SYNPR: variants seen among roughly 807,000 people sequenced by gnomAD.
SYNPR encodes the protein synaptoporin.
In SYNPR, 23 loss-of-function variants were observed where a neutral mutation model predicts 32.9. The ratio of observed to expected loss-of-function variants is 0.70; its 90% CI spans 0.50 to 0.99. SYNPR has a LOEUF of 0.99. SYNPR is among the 50% of genes least tolerant of loss of function. The probability of loss-of-function intolerance (pLI) is 0.00; values close to 1 mark genes in which losing one functional copy is unlikely to be tolerated. For missense variants in SYNPR, 318 were observed against 349.3 expected (o/e 0.91, Z 0.71); for synonymous variants, 146 against 135.9 (o/e 1.07, Z -0.52).
chr3:63,335,266 T>C (rs1352548265), intron 2 of SYNPR, among the ~76,000 whole-genome samples: 1 of 141,142 alleles, frequency 7.1e-6, no homozygotes, highest in Non-Finnish European at 1.5e-5. Context: ...GGCAGGAGAA[T>C]GGAGTGAACC....
rs568822240 is a variant in SYNPR, at chr3:63,551,368, C to T, written c.210-5175C>T. Among the ~76,000 whole-genome samples the T allele has an allele frequency of 3.3e-5, 5 of 152,304 alleles. No individual in the cohort carries two copies. The South Asian group carries it at 1.0e-3, about 32-fold the overall frequency. On this transcript the variant is annotated intron_variant, in intron 3 of 5. Transcript: ENST00000478300. ...TGTTTGGCTATTATGAATAATGCTG[C>T]TGTGAACACTCTTGTACAAGATTTT...
At chr3:63,454,138 G>A (rs1464357008) in intron 2 of SYNPR, among the ~76,000 whole-genome samples, 1 of 152,074 alleles carries the variant, frequency 6.6e-6, no homozygotes, top group Non-Finnish European at 1.5e-5. Flanking sequence ...GCTATATGGA[G>A]GGGTGAAATG....
At chr3:63,431,940 C>A (rs1700004562) in intron 2 of SYNPR, among the ~76,000 whole-genome samples, 1 of 151,814 alleles carries the variant, frequency 6.6e-6, no homozygotes, top group Admixed American at 6.6e-5. Flanking sequence ...GCAGAACTCA[C>A]CACACAGGCC....
At chr3:63,562,842 A>G (rs1249783524) in intron 4 of SYNPR, among the ~76,000 whole-genome samples, 1 of 152,146 alleles carries the variant, frequency 6.6e-6, no homozygotes, top group African/African-American at 2.4e-5. Context: ...CTGGATTTTA[A>G]TCTTCTTGTG....
At chr3:63,581,583 C>T (rs546547475) in intron 4 of SYNPR, among the ~76,000 whole-genome samples, 5 of 152,030 alleles carry the variant, frequency 3.3e-5, no homozygotes, top group Admixed American at 6.6e-5. Flanking sequence ...CACGAGTATG[C>T]GTCCATCTCA....
At chr3:63,609,632 C>T (rs1355486664) in intron 5 of SYNPR, among the ~76,000 whole-genome samples, 2 of 152,122 alleles carry the variant, frequency 1.3e-5, no homozygotes, top group East Asian at 1.9e-4. Flanking sequence ...TTTGGCCGGA[C>T]GCAATGGCTC....
chr3:63,400,594 A>G (rs2088277742), intron 2 of SYNPR, among the ~76,000 whole-genome samples: 1 of 152,232 alleles, frequency 6.6e-6, no homozygotes, highest in Non-Finnish European at 1.5e-5. Flanking sequence ...AGGAAGCCAC[A>G]GTGCCTTTTT....
intron 2 of SYNPR, among the ~76,000 whole-genome samples, chr3:63,359,027 CTAAG>C (rs2087622488): frequency 6.6e-6 from 1 of 152,104 alleles, no homozygotes; most frequent in African/African-American, 2.4e-5. Context: ...TTTAATGATA[CTAAG>C]TATTGTTGAA....
intron 2 of SYNPR, among the ~76,000 whole-genome samples, chr3:63,328,550 A>G (rs905493153): frequency 6.6e-6 from 1 of 152,178 alleles, no homozygotes; most frequent in African/African-American, 2.4e-5. Flanking sequence ...TGCACAAGGC[A>G]ATGAACATAA....
intron 2 of SYNPR, among the ~76,000 whole-genome samples, chr3:63,403,039 C>A (rs1029192644): frequency 7.2e-5 from 11 of 152,168 alleles, no homozygotes; most frequent in Admixed American, 1.3e-4. Flanking sequence ...TAAACATTAA[C>A]AGAGAGAATG....
At chr3:63,296,990 C>A (rs2086796423) in intron 2 of SYNPR, among the ~76,000 whole-genome samples, 1 of 151,998 alleles carries the variant, frequency 6.6e-6, no homozygotes, top group African/African-American at 2.4e-5. Context: ...AACAAGCAAG[C>A]TAGGGAATGA....
chr3:63,335,763 T>C (rs1046064166), intron 2 of SYNPR, among the ~76,000 whole-genome samples: 1 of 120,288 alleles, frequency 8.3e-6, no homozygotes, highest in African/African-American at 2.8e-5. Context: ...CCATATTAGC[T>C]TCCTTTTTTT....
At chr3:63,531,403 T>C (rs1702110526) in intron 3 of SYNPR, among the ~76,000 whole-genome samples, 1 of 152,132 alleles carries the variant, frequency 6.6e-6, no homozygotes, top group East Asian at 1.9e-4. Flanking sequence ...TGATGTTCCT[T>C]AGCTTGCAAC....
At chr3:63,520,304 T>A (rs1701881519) in intron 3 of SYNPR, among the ~76,000 whole-genome samples, 1 of 152,230 alleles carries the variant, frequency 6.6e-6, no homozygotes, top group Non-Finnish European at 1.5e-5. Flanking sequence ...GCTTCAGTCC[T>A]GATTGTCTAA....
At chr3:63,588,582 G>T (rs946158634) in intron 4 of SYNPR, among the ~76,000 whole-genome samples, 3 of 152,036 alleles carry the variant, frequency 2.0e-5, no homozygotes, top group Non-Finnish European at 4.4e-5. Context: ...TGTTCAATAA[G>T]CATCCCCAAA....
chr3:63,602,848 A>T (rs981317722), intron 4 of SYNPR, among the ~76,000 whole-genome samples: 5 of 152,094 alleles, frequency 3.3e-5, no homozygotes, highest in Admixed American at 2.6e-4. Context: ...TTCCATATTA[A>T]TTTTAAAATA....
intron 3 of SYNPR, among the ~76,000 whole-genome samples, chr3:63,272,133 T>C (rs768948649): frequency 6.6e-6 from 1 of 152,188 alleles, no homozygotes; most frequent in Non-Finnish European, 1.5e-5. Flanking sequence ...GTCGGTCATA[T>C]TTCTTAGACT....
chr3:63,408,198 A>G (rs200720364), intron 2 of SYNPR, among the ~76,000 whole-genome samples: 1 of 37,784 alleles, frequency 2.6e-5, no homozygotes, highest in Non-Finnish European at 4.4e-5. Flanking sequence ...AAGAAAGAGG[A>G]AGGAAGGAAG....
intron 2 of SYNPR, among the ~76,000 whole-genome samples, chr3:63,263,024 A>G (rs577454762): frequency 6.6e-6 from 1 of 152,322 alleles, no homozygotes; most frequent in Non-Finnish European, 1.5e-5. Context: ...AGGATTGGCT[A>G]CCTCTGAATG....
Sources: gnomAD v4.1 joint callset for allele counts (sites outside exome capture counted in the v4.1 genomes callset) on GRCh38, gnomAD v4.1.1 for gene constraint, MANE v1.5 for transcripts, NCBI Gene and HGNC (gene_info 2026-07-23, HGNC 2026-07-21) for gene names.